Variants in ERGIC1 observed in about 807,000 individuals in gnomAD.
ERGIC1 encodes endoplasmic reticulum-Golgi intermediate compartment protein 1.
In ERGIC1, 19 loss-of-function variants were observed where a neutral mutation model predicts 38.3. That is an observed-to-expected ratio of 0.50 (90% CI 0.35 to 0.73). ERGIC1 has a LOEUF of 0.73. Ranked by LOEUF, ERGIC1 falls within the 30% of genes least tolerant of loss-of-function variation. The pLI is 0.01. For missense variants in ERGIC1, 294 were observed against 389.2 expected, an observed-to-expected ratio of 0.76 and a Z score of 2.06; for synonymous variants, 124 against 157.6, an observed-to-expected ratio of 0.79 and a Z score of 1.60.
At chr5:172,918,495 C>T (rs778038396) in intron 5 of ERGIC1, among the ~76,000 whole-genome samples, 24 of 152,178 alleles carry the variant, frequency 1.6e-4, no homozygotes, top group Non-Finnish European at 2.8e-4. Context: ...CAAGAAGGGG[C>T]AGTCGAACAG....
At position 172,950,954 on chromosome 5, in the gene ERGIC1, G is replaced by A; in HGVS notation, c.*138G>A. 3 of 631,950 alleles carry A rather than the reference G, an allele frequency of 4.7e-6. No homozygotes were observed. The highest frequency in any genetic ancestry group is 7.7e-6 in the Non-Finnish European group (3 of 388,440). 39.1% of individuals were successfully genotyped at this position (631,950 alleles called of 1,614,324 possible). ...GTGTGGGAAGTGGGGGGAAAGTAGA[G>A]GATGGCTCGATGTTTTGCAGCTACC... On this transcript the variant is annotated 3_prime_UTR_variant, in exon 10 of 10. Transcript: ENST00000393784.
intron 1 of ERGIC1, among the ~76,000 whole-genome samples, chr5:172,843,598 A>G (rs887084575): frequency 6.6e-6 from 1 of 152,246 alleles, no homozygotes; most frequent in African/African-American, 2.4e-5. Context: ...GTGTGCAGAA[A>G]GAGTCTCCAA....
intron 1 of ERGIC1, among the ~76,000 whole-genome samples, chr5:172,884,255 T>TTTG (rs1561716735): frequency 8.1e-6 from 1 of 122,912 alleles, no homozygotes. Context: ...TTTTTTTTTT[T>TTTG]TTTTTTTTTT....
intron 5 of ERGIC1, chr5:172,915,482 A>G (rs1763338162): frequency 2.3e-6 from 1 of 441,552 alleles, no homozygotes; most frequent in South Asian, 1.6e-5. Context: ...TCCGCTCAGA[A>G]GGACCATTCA....
rs567656139 is a variant in ERGIC1, at chr5:172,834,554, C to T, written c.20+121C>T. The stretch of plus-strand genomic sequence containing the variant: ...CGGCTCCCCGCCCTGTGCATGCCTC[C>T]GCAGGCCCCTAGGGACCCCAGGCGA... On this transcript the variant is annotated intron_variant, in intron 1 of 9. Coordinates refer to ENST00000393784, the MANE Select transcript of ERGIC1 (RefSeq NM_001031711.3). This position sits in a 1 kb window ranked among gnomAD's most constrained non-coding sequence, Gnocchi z 4.1. The T allele has an allele frequency of 2.0e-6, 2 of 1,020,476 alleles. No individual in the cohort carries two copies. Among genetic ancestry groups the T allele is most frequent in the South Asian group, 4.6e-5 (1 of 21,930 alleles). 63.2% of individuals were successfully genotyped at this position (1,020,476 alleles called of 1,614,324 possible). A position where few individuals can be genotyped will look rare whatever the true frequency, so the allele number is the denominator to read the frequency against.
intron 1 of ERGIC1, among the ~76,000 whole-genome samples, chr5:172,876,288 TTC>T (rs1762138592): frequency 6.6e-6 from 1 of 152,254 alleles, no homozygotes; most frequent in Non-Finnish European, 1.5e-5. Flanking sequence ...ATTTTTCTAA[TTC>T]TCTTAGTCTT....
At chr5:172,924,548 G>A (rs1402277998) in intron 6 of ERGIC1, among the ~76,000 whole-genome samples, 3 of 152,124 alleles carry the variant, frequency 2.0e-5, no homozygotes, top group South Asian at 2.1e-4. Flanking sequence ...GAGACTGAAG[G>A]TCTGGTTGGT....
intron 4 of ERGIC1, among the ~76,000 whole-genome samples, chr5:172,911,636 C>T (rs1763210957): frequency 1.3e-5 from 2 of 152,180 alleles, no homozygotes; most frequent in African/African-American, 4.8e-5. Context: ...CAAAAGAGAT[C>T]ACCCATAACT....
intron 1 of ERGIC1, among the ~76,000 whole-genome samples, chr5:172,883,998 A>T (rs1209301565): frequency 6.6e-6 from 1 of 152,062 alleles, no homozygotes; most frequent in African/African-American, 2.4e-5. Context: ...CATCAAAAAG[A>T]CGATGTCTGC....
At chr5:172,853,090 A>G (rs1307037703) in intron 1 of ERGIC1, among the ~76,000 whole-genome samples, 1 of 146,756 alleles carries the variant, frequency 6.8e-6, no homozygotes, top group African/African-American at 2.5e-5. Flanking sequence ...TGAGTGTGCA[A>G]ATGTGTGAAA....
chr5:172,869,397 A>G (rs1466100102), intron 1 of ERGIC1, among the ~76,000 whole-genome samples: 1 of 152,220 alleles, frequency 6.6e-6, no homozygotes, highest in East Asian at 1.9e-4. Context: ...AGCACACTGA[A>G]GTCGCTAGCC....
intron 5 of ERGIC1, 55 bp from the exon 6 acceptor site, chr5:172,923,950 G>A (rs1763592324): frequency 3.9e-6 from 6 of 1,529,930 alleles, no homozygotes; most frequent in Non-Finnish European, 5.4e-6. Flanking sequence ...AGGCCCCAAT[G>A]TTCCGCCCCC....
Position 172,906,544 on chromosome 5 carries a change from A to G in ERGIC1, c.156-3123A>G, listed in dbSNP as rs143853887. 7.6e-3 allele frequency among the ~76,000 whole-genome samples: 1,161 copies of G among 152,214 alleles called. 7 individuals are homozygous for G. Among genetic ancestry groups the G allele is most frequent in the Non-Finnish European group, 0.013 (889 of 67,994 alleles). ...AGCCCCAGGTGTCTTTTCAGAGCCC[A>G]CCGTTCCTTGTGAACAGCATCACAC... On this transcript the variant is annotated intron_variant, in intron 3 of 9. Coordinates refer to ENST00000393784, the MANE Select transcript of ERGIC1 (RefSeq NM_001031711.3).
intron 2 of ERGIC1, among the ~76,000 whole-genome samples, chr5:172,891,935 G>A (rs1001726923): frequency 2.6e-5 from 4 of 152,208 alleles, no homozygotes; most frequent in Non-Finnish European, 5.9e-5. Flanking sequence ...CCTGTGGCCA[G>A]CCCCTGAGGG....
chr5:172,920,680 C>A lies in ERGIC1; in HGVS notation c.376-3325C>A, dbSNP rs564295687. ...GTTCCTGAGTCACAGCCTCGCACGGCCCGGCAGGGGTGGCAGGTGCTGAGG... is the reference window on the plus strand; with the variant it reads ...GTTCCTGAGTCACAGCCTCGCACGGACCGGCAGGGGTGGCAGGTGCTGAGG... On this transcript the variant is annotated intron_variant, in intron 5 of 9. Transcript: ENST00000393784. 7.5e-4 allele frequency: 390 copies of A among 517,228 alleles called. 1 individual carries two copies. Among genetic ancestry groups the A allele is most frequent in the Non-Finnish European group, 1.1e-3 (322 of 284,656 alleles). The allele number at this position is 517,228 out of a possible 1,614,324, so 32.0% of individuals were successfully genotyped here.
chr5:172,862,748 A>G (rs1314729055), intron 1 of ERGIC1, among the ~76,000 whole-genome samples: 3 of 152,006 alleles, frequency 2.0e-5, no homozygotes, highest in Non-Finnish European at 4.4e-5. Context: ...ACCTACATCT[A>G]CTCCTACTGT....
chr5:172,862,871 G>A (rs1174123828), intron 1 of ERGIC1, among the ~76,000 whole-genome samples: 1 of 152,220 alleles, frequency 6.6e-6, no homozygotes, highest in Middle Eastern at 3.2e-3. Flanking sequence ...AGGATCACCT[G>A]CCATGAGTCC....
In ERGIC1 at chr5:172,947,419, C is replaced by T. The variant is rs117255789; in HGVS notation, c.766-3290C>T. Among the ~76,000 whole-genome samples the T allele has an allele frequency of 4.4e-3, 670 of 152,244 alleles. 15 individuals carry two copies. Among genetic ancestry groups the T allele is most frequent in the Admixed American group, 0.028 (424 of 15,290 alleles). Reference sequence around the variant, plus strand: ...GCTCAAGCTCCTGGACTCAAGCAACCCTTCCATCTCCCGAAGTGCTGAGAT... The same window carrying T: ...GCTCAAGCTCCTGGACTCAAGCAACTCTTCCATCTCCCGAAGTGCTGAGAT... On this transcript the variant is annotated intron_variant, in intron 9 of 9. Coordinates refer to ENST00000393784, the MANE Select transcript of ERGIC1 (RefSeq NM_001031711.3).
At chr5:172,911,268 T>C (rs904338717) in intron 4 of ERGIC1, among the ~76,000 whole-genome samples, 2 of 152,244 alleles carry the variant, frequency 1.3e-5, no homozygotes, top group African/African-American at 4.8e-5. Context: ...GGGAACCTGT[T>C]GAAATAGGTC....
Sources: gnomAD v4.1 joint callset for allele counts (sites outside exome capture counted in the v4.1 genomes callset) on GRCh38, gnomAD v4.1.1 for gene constraint, Gnocchi (gnomAD v3.1) non-coding constraint, MANE v1.5 for transcripts, NCBI Gene and HGNC (gene_info 2026-07-23, HGNC 2026-07-21) for gene names.